Variants in TGFA observed in about 807,000 individuals in gnomAD.
The protein encoded by TGFA is transforming growth factor alpha, also known as protransforming growth factor alpha.
TGFA carries 12 observed loss-of-function variants against 21.7 expected under a neutral mutation model. The ratio of observed to expected loss-of-function variants is 0.55; its 90% CI spans 0.35 to 0.90. The LOEUF (loss-of-function observed/expected upper bound fraction) is 0.90. Ranked by LOEUF, TGFA falls within the 40% of genes least tolerant of loss-of-function variation. The pLI is 0.01. For missense variants in TGFA, 178 were observed against 210.8 expected, an observed-to-expected ratio of 0.84 and a Z score of 0.96; for synonymous variants, 79 against 88.1, an observed-to-expected ratio of 0.90 and a Z score of 0.58.
At chr2:70,532,963 G>T (rs1672858403) in intron 1 of TGFA, among the ~76,000 whole-genome samples, 1 of 151,640 alleles carries the variant, frequency 6.6e-6, no homozygotes, top group African/African-American at 2.4e-5. Flanking sequence ...CTGGGCTCAG[G>T]TGACTCTCTC....
At position 70,521,613 on chromosome 2, in the gene TGFA, G is replaced by GTTTTTTTTTTTTTTTTTTTTTTTTTT. The variant is rs59567780; in HGVS notation, c.41-6702_41-6701insAAAAAAAAAAAAAAAAAAAAAAAAAA. On this transcript the variant is annotated intron_variant, in intron 1 of 5. Transcript: ENST00000295400. The stretch of plus-strand genomic sequence containing the variant: ...TTGATAGTTTTTTTTGTTGTTGTTT[G>GTTTTTTTTTTTTTTTTTTTTTTTTTT]TTTGTTTTTTTTTTTTTTTTTTTTT... Among the ~76,000 whole-genome samples, 5 of 74,046 alleles carry GTTTTTTTTTTTTTTTTTTTTTTTTTT rather than the reference G, an allele frequency of 6.8e-5. 1 individual carries two copies. Among genetic ancestry groups the GTTTTTTTTTTTTTTTTTTTTTTTTTT allele is most frequent in the African/African-American group, 1.7e-4 (4 of 23,736 alleles). The allele number at this position is 74,046 out of a possible 152,430, so 48.6% of individuals were successfully genotyped here. A position where few individuals can be genotyped will look rare whatever the true frequency, so the allele number is the denominator to read the frequency against.
At chr2:70,509,431 C>T (rs150883435) in intron 2 of TGFA, among the ~76,000 whole-genome samples, 211 of 152,270 alleles carry the variant, frequency 1.4e-3, no homozygotes, top group South Asian at 3.1e-3. Context: ...GCCACCTAAA[C>T]GTATTTAAGC....
intron 1 of TGFA, among the ~76,000 whole-genome samples, chr2:70,519,108 T>C (rs567296378): frequency 6.6e-6 from 1 of 151,926 alleles, no homozygotes; most frequent in African/African-American, 2.4e-5. Flanking sequence ...GGCGGGAGGA[T>C]AGGAATTGTG....
intron 2 of TGFA, among the ~76,000 whole-genome samples, chr2:70,466,201 G>A (rs1216980650): frequency 1.3e-5 from 2 of 152,214 alleles, no homozygotes; most frequent in African/African-American, 2.4e-5. Flanking sequence ...TATACAGTAA[G>A]TTAAGTAAAT....
At position 70,453,329 on chromosome 2, in the gene TGFA, T is replaced by C. The variant is rs1670120844; in HGVS notation, c.366-2A>G. ...CAGTGTTTTCGGACCTGGCAGCAGC[T>C]GCAAAGACACAGAGGACCCAGTCTG... On this transcript the variant is annotated splice_acceptor_variant, in intron 4 of 5. Coordinates refer to ENST00000295400, the MANE Select transcript of TGFA (RefSeq NM_003236.4). LOFTEE classifies it high-confidence loss of function. The C allele has an allele frequency of 6.2e-7, 1 of 1,612,834 alleles. No homozygotes were observed. The highest frequency in any genetic ancestry group is 2.2e-5 in the East Asian group (1 of 44,840).
At chr2:70,500,231 G>A (rs1671696094) in intron 2 of TGFA, among the ~76,000 whole-genome samples, 1 of 152,196 alleles carries the variant, frequency 6.6e-6, no homozygotes, top group South Asian at 2.1e-4. Flanking sequence ...CCTCTTCAAG[G>A]AGGTACCACA....
intron 2 of TGFA, among the ~76,000 whole-genome samples, chr2:70,485,399 G>A (rs1220380170): frequency 6.6e-6 from 1 of 152,046 alleles, no homozygotes; most frequent in Non-Finnish European, 1.5e-5. Context: ...CACCGTGCCT[G>A]GCTAATTTTT....
chr2:70,455,833 C>G (rs76002747), intron 4 of TGFA, among the ~76,000 whole-genome samples: 1 of 152,260 alleles, frequency 6.6e-6, no homozygotes, highest in East Asian at 1.9e-4. Context: ...TACAACACAG[C>G]AACTGAGTTT....
In TGFA at chr2:70,514,843, C is replaced by T. The variant is rs545841849; in HGVS notation, c.94+16G>A. 13 of 1,613,690 alleles carry T rather than the reference C, an allele frequency of 8.1e-6. No individual in the cohort carries two copies. The highest frequency in any genetic ancestry group is 2.2e-5 in the South Asian group (2 of 90,956). On this transcript the variant is annotated intron_variant, in intron 2 of 5. Coordinates refer to ENST00000295400, the MANE Select transcript of TGFA (RefSeq NM_003236.4). ...TTCCCACACACGATCCACACACCCA[C>T]GGCAGCTGCACTCACCACTCAGCGG...
At chr2:70,460,457 G>A (rs1171595279) in intron 3 of TGFA, among the ~76,000 whole-genome samples, 5 of 152,092 alleles carry the variant, frequency 3.3e-5, no homozygotes, top group African/African-American at 9.7e-5. Flanking sequence ...AGTCACAGAA[G>A]GAGTGGGAAG....
chr2:70,453,140 G>A, intron 5 of TGFA, 78 bp downstream of exon 5: 6 of 1,270,960 alleles, frequency 4.7e-6, no homozygotes, highest in Non-Finnish European at 6.8e-6. Context: ...CATACTCCAG[G>A]AACTTCTGCC....
intron 3 of TGFA, among the ~76,000 whole-genome samples, chr2:70,457,067 G>T (rs1369091828): frequency 6.6e-6 from 1 of 152,058 alleles, no homozygotes; most frequent in Admixed American, 6.5e-5. Flanking sequence ...TCAATACCTG[G>T]CCCACCTCCA....
At chr2:70,520,483 C>T (rs1672412618) in intron 1 of TGFA, among the ~76,000 whole-genome samples, 1 of 151,068 alleles carries the variant, frequency 6.6e-6, no homozygotes, top group Non-Finnish European at 1.5e-5. Flanking sequence ...CACTGCACTC[C>T]AGCCTGGGTG....
intron 2 of TGFA, among the ~76,000 whole-genome samples, chr2:70,514,188 C>A (rs1672191708): frequency 6.6e-6 from 1 of 152,142 alleles, no homozygotes; most frequent in African/African-American, 2.4e-5. Flanking sequence ...CAACATGGAA[C>A]AATGCACAGC....
At position 70,448,590 on chromosome 2, in the gene TGFA, T is replaced by C. The variant is rs1669956072; in HGVS notation, c.*2269A>G. 6.6e-6 allele frequency: 1 copy of C among 152,234 alleles called. No individual in the cohort carries two copies. The highest frequency in any genetic ancestry group is 2.1e-4 in the South Asian group (1 of 4,832). The allele number at this position is 152,234 out of a possible 1,614,324, so 9.4% of individuals were successfully genotyped here. ...GGCAGAGGGATCCAATGCTTATCAG[T>C]CATTTGATTTCTAGAAGAAAAATCC... On this transcript the variant is annotated 3_prime_UTR_variant, in exon 6 of 6. Coordinates refer to ENST00000295400, the MANE Select transcript of TGFA (RefSeq NM_003236.4).
chr2:70,457,595 G>A (rs13394160), intron 3 of TGFA, among the ~76,000 whole-genome samples: 2 of 150,476 alleles, frequency 1.3e-5, no homozygotes, highest in African/African-American at 4.9e-5. Context: ...AGCCTGGAGT[G>A]CAGTGGCGGG....
At chr2:70,553,692 G>T in intron 1 of TGFA, 36 bp downstream of exon 1, 1 of 1,336,014 alleles carries the variant, frequency 7.5e-7, no homozygotes, top group South Asian at 2.1e-5. Context: ...GCAGGGTGTC[G>T]CGCGGCGCAG....
chr2:70,449,873 C>A lies in TGFA; in HGVS notation c.*986G>T, dbSNP rs567921988. On this transcript the variant is annotated 3_prime_UTR_variant, in exon 6 of 6. Transcript: ENST00000295400. Reference sequence around the variant, plus strand: ...GAACCCATTTAATCACTGAGCAGTACAATATGTATTGGGTTTATCCTGTGT... The same window carrying A: ...GAACCCATTTAATCACTGAGCAGTAAAATATGTATTGGGTTTATCCTGTGT... 1.1e-4 allele frequency: 18 copies of A among 165,472 alleles called. No individual in the cohort carries two copies. The highest frequency in any genetic ancestry group is 1.9e-4 in the Admixed American group (3 of 16,118). 10.3% of individuals were successfully genotyped at this position (165,472 alleles called of 1,614,324 possible).
chr2:70,465,864 C>T (rs1670542644), intron 2 of TGFA, 128 bp from the exon 3 acceptor site: 1 of 1,331,270 alleles, frequency 7.5e-7, no homozygotes, highest in Non-Finnish European at 1.0e-6. Context: ...ACCTGGGGCA[C>T]ACCCTCCTCA....
Sources: allele counts gnomAD v4.1 joint callset (sites outside exome capture counted in the v4.1 genomes callset), GRCh38; gene constraint gnomAD v4.1.1; transcripts MANE v1.5; gene names NCBI Gene and HGNC (gene_info 2026-07-23, HGNC 2026-07-21).